KIFAP3: variants seen among roughly 807,000 people sequenced by gnomAD.
KIFAP3 encodes the protein kinesin-associated protein 3.
In KIFAP3, 68 loss-of-function variants were observed where a neutral mutation model predicts 106.5. That is an observed-to-expected ratio of 0.64 (90% CI 0.53 to 0.78). KIFAP3 has a LOEUF of 0.78. Ranked by LOEUF, KIFAP3 falls within the 30% of genes least tolerant of loss-of-function variation. The pLI is 0.00. For synonymous variants in KIFAP3, 320 were observed against 311.5 expected (o/e 1.03, Z -0.29); for missense variants, 780 against 941.8 (o/e 0.83, Z 2.25).
chr1:169,982,200 A>G, intron 14 of KIFAP3, 103 bp from the exon 15 acceptor site: 7 of 1,196,898 alleles, frequency 5.8e-6, no homozygotes, highest in Non-Finnish European at 7.1e-6. Flanking sequence ...GAAAGCTATT[A>G]AATCAAGTCA....
At chr1:169,986,065 C>A (rs945564497) in intron 11 of KIFAP3, among the ~76,000 whole-genome samples, 2 of 150,428 alleles carry the variant, frequency 1.3e-5, no homozygotes, top group Admixed American at 1.3e-4. Flanking sequence ...TAAAAACTTA[C>A]TATGTTTTAT....
chr1:169,951,380 A>T (rs946249379), intron 19 of KIFAP3, among the ~76,000 whole-genome samples: 2 of 151,924 alleles, frequency 1.3e-5, no homozygotes, highest in Non-Finnish European at 2.9e-5. Context: ...TTTGAAAAAC[A>T]GTCTATAGTA....
chr1:170,044,994 C>T (rs928335255), intron 3 of KIFAP3, among the ~76,000 whole-genome samples: 3 of 152,198 alleles, frequency 2.0e-5, no homozygotes, highest in South Asian at 4.2e-4. Flanking sequence ...GTGGAAACTT[C>T]CTTCATAAGT....
At chr1:169,998,280 T>C (rs1667471041) in intron 10 of KIFAP3, among the ~76,000 whole-genome samples, 3 of 152,062 alleles carry the variant, frequency 2.0e-5, no homozygotes, top group Admixed American at 2.0e-4. Flanking sequence ...TTAAACAGCA[T>C]GTCCCAGGCA....
At chr1:169,948,666 G>A (rs1277425274) in intron 19 of KIFAP3, among the ~76,000 whole-genome samples, 2 of 151,930 alleles carry the variant, frequency 1.3e-5, no homozygotes, top group African/African-American at 4.8e-5. Context: ...TAGAACAAAT[G>A]AGTTTGGGTT....
intron 18 of KIFAP3, among the ~76,000 whole-genome samples, chr1:169,955,867 AAC>A (rs1664988526): frequency 6.6e-6 from 1 of 152,144 alleles, no homozygotes; most frequent in African/African-American, 2.4e-5. Context: ...AGACCAGCTA[AAC>A]ACTGAAAAGT....
At chr1:170,023,788 T>A (rs4656731) in intron 9 of KIFAP3, among the ~76,000 whole-genome samples, 6 of 152,030 alleles carry the variant, frequency 3.9e-5, no homozygotes, top group Non-Finnish European at 5.9e-5. Flanking sequence ...CAACTTGTAT[T>A]TTCCAAGGAT....
intron 18 of KIFAP3, 56 bp downstream of exon 18, chr1:169,960,990 C>G (rs1432907337): frequency 7.0e-7 from 1 of 1,421,436 alleles, no homozygotes; most frequent in Non-Finnish European, 9.6e-7. Flanking sequence ...GGCTGGCCGA[C>G]TAAAATCTCT....
chr1:170,071,276 TGTACA>T (rs1307252319), intron 1 of KIFAP3, among the ~76,000 whole-genome samples: 2 of 152,120 alleles, frequency 1.3e-5, no homozygotes, highest in Non-Finnish European at 2.9e-5. Flanking sequence ...AACAAAAACT[TGTACA>T]GTAATGTTCA....
intron 19 of KIFAP3, among the ~76,000 whole-genome samples, chr1:169,928,214 C>A (rs1218319332): frequency 6.6e-6 from 1 of 151,910 alleles, no homozygotes; most frequent in Non-Finnish European, 1.5e-5. Context: ...ATTCTCCTGC[C>A]TCAGCCTCCA....
At chr1:170,072,273 C>A (rs371081639) in intron 1 of KIFAP3, among the ~76,000 whole-genome samples, 1 of 152,124 alleles carries the variant, frequency 6.6e-6, no homozygotes, top group African/African-American at 2.4e-5. Context: ...GTTTCAGGCA[C>A]CTTGCTGAGT....
intron 2 of KIFAP3, among the ~76,000 whole-genome samples, chr1:170,052,139 T>C (rs1300816790): frequency 1.3e-5 from 2 of 151,516 alleles, no homozygotes; most frequent in Non-Finnish European, 2.9e-5. Flanking sequence ...CACAATAAAA[T>C]ATAATAAAGG....
chr1:170,013,113 C>T (rs947039410), intron 10 of KIFAP3, among the ~76,000 whole-genome samples: 6 of 151,976 alleles, frequency 3.9e-5, no homozygotes, highest in South Asian at 2.1e-4. Flanking sequence ...GTCTATGAAC[C>T]GGGAAGCAGG....
chr1:169,950,676 G>A (rs1387474349), intron 19 of KIFAP3, among the ~76,000 whole-genome samples: 1 of 151,998 alleles, frequency 6.6e-6, no homozygotes, highest in Non-Finnish European at 1.5e-5. Context: ...GATGAAGAAT[G>A]AGTTCAACAA....
intron 1 of KIFAP3, among the ~76,000 whole-genome samples, chr1:170,080,524 A>G (rs1432365889): frequency 6.6e-6 from 1 of 152,160 alleles, no homozygotes; most frequent in Admixed American, 6.5e-5. Flanking sequence ...TAGTCAATTC[A>G]ATGTGTATTG....
At chr1:170,052,328 AT>A (rs1441376001) in intron 2 of KIFAP3, among the ~76,000 whole-genome samples, 1 of 152,212 alleles carries the variant, frequency 6.6e-6, no homozygotes, top group Non-Finnish European at 1.5e-5. Flanking sequence ...AAGTTCTGAA[AT>A]TTAGGCAGTA....
At chr1:169,986,636 T>C (rs1332717877) in intron 11 of KIFAP3, among the ~76,000 whole-genome samples, 1 of 151,982 alleles carries the variant, frequency 6.6e-6, no homozygotes, top group East Asian at 1.9e-4. Flanking sequence ...AAATTGCCAA[T>C]AAAAATTAAA....
At chr1:169,953,844 T>A (rs1415414443) in intron 19 of KIFAP3, among the ~76,000 whole-genome samples, 167 bp downstream of exon 19, 1 of 152,180 alleles carries the variant, frequency 6.6e-6, no homozygotes, top group Non-Finnish European at 1.5e-5. Context: ...ATACAGAAAA[T>A]GTGACTTCAT....
chr1:170,030,979 A>G (rs1267271283), intron 8 of KIFAP3, among the ~76,000 whole-genome samples: 1 of 151,310 alleles, frequency 6.6e-6, no homozygotes, highest in Non-Finnish European at 1.5e-5. Flanking sequence ...TAAAGCTGTT[A>G]AGAGAGTATA....
Sources: allele counts gnomAD v4.1 joint callset (sites outside exome capture counted in the v4.1 genomes callset), GRCh38; gene constraint gnomAD v4.1.1; transcripts MANE v1.5; gene names NCBI Gene and HGNC (gene_info 2026-07-23, HGNC 2026-07-21).